NFIA: variants seen among roughly 807,000 people sequenced by gnomAD.
The protein encoded by NFIA is nuclear factor I A.
A neutral mutation model predicts 62.8 loss-of-function variants in NFIA; 8 were observed. The ratio of observed to expected loss-of-function variants is 0.13; its 90% CI spans 0.07 to 0.23. The LOEUF is 0.23. Ranked by LOEUF, NFIA falls within the 10% of genes least tolerant of loss-of-function variation. The probability of loss-of-function intolerance (pLI) is 1.00; values close to 1 mark genes in which losing one functional copy is unlikely to be tolerated. For missense variants in NFIA, 410 were observed against 642.1 expected, an observed-to-expected ratio of 0.64 and a Z score of 3.91; for synonymous variants, 235 against 238.1, an observed-to-expected ratio of 0.99 and a Z score of 0.12.
chr1:61,323,796 A>G (rs751577977), intron 3 of NFIA, among the ~76,000 whole-genome samples: 4 of 152,216 alleles, frequency 2.6e-5, no homozygotes, highest in Admixed American at 2.0e-4. Flanking sequence ...TAACAGTATC[A>G]TAAGTCACTC....
At chr1:61,188,028 G>A (rs1651324497) in intron 2 of NFIA, among the ~76,000 whole-genome samples, 1 of 151,946 alleles carries the variant, frequency 6.6e-6, no homozygotes, top group African/African-American at 2.4e-5. Context: ...AGCAGGGTTA[G>A]CTTACCCTTG....
At chr1:61,254,660 C>T (rs1410470694) in intron 2 of NFIA, among the ~76,000 whole-genome samples, 3 of 152,176 alleles carry the variant, frequency 2.0e-5, no homozygotes, top group South Asian at 4.1e-4. Context: ...AAAGAAGTCT[C>T]AGAGCACAGT....
chr1:61,105,877 C>A (rs1037752564), intron 2 of NFIA, among the ~76,000 whole-genome samples: 2 of 151,752 alleles, frequency 1.3e-5, no homozygotes, highest in African/African-American at 4.8e-5. Flanking sequence ...TGCTGAAATT[C>A]TGACTTGGGT....
intron 10 of NFIA, among the ~76,000 whole-genome samples, chr1:61,437,763 G>A (rs1246391834): frequency 1.3e-5 from 2 of 152,154 alleles, no homozygotes; most frequent in Admixed American, 1.3e-4. Flanking sequence ...GAAGGAGACA[G>A]ATATACTTGG....
chr1:61,417,021 A>C (rs79393389), intron 9 of NFIA, among the ~76,000 whole-genome samples: 3,532 of 152,238 alleles, frequency 0.023, 52 homozygotes, highest in Non-Finnish European at 0.037. Context: ...TAAGCATTAC[A>C]AAGAAGGAAT....
intron 2 of NFIA, among the ~76,000 whole-genome samples, chr1:61,266,613 G>A (rs971004980): frequency 6.6e-6 from 1 of 152,022 alleles, no homozygotes; most frequent in Non-Finnish European, 1.5e-5. Context: ...GGCCAGGCTG[G>A]TCTCAAACTC....
intron 2 of NFIA, among the ~76,000 whole-genome samples, chr1:61,259,832 TA>T: frequency 6.6e-6 from 1 of 152,328 alleles, no homozygotes; most frequent in East Asian, 1.9e-4. Flanking sequence ...CAATTTTAAT[TA>T]ATGTTTTTAA....
intron 10 of NFIA, among the ~76,000 whole-genome samples, chr1:61,441,634 A>G (rs1667588453): frequency 6.6e-6 from 1 of 152,204 alleles, no homozygotes; most frequent in Non-Finnish European, 1.5e-5. Context: ...ATTTAACCTG[A>G]TAGACTTTGT....
At chr1:61,231,422 G>A (rs1490971273) in intron 2 of NFIA, among the ~76,000 whole-genome samples, 2 of 152,140 alleles carry the variant, frequency 1.3e-5, no homozygotes, top group African/African-American at 4.8e-5. Context: ...TTTGTTAGAT[G>A]TTATGCCTAG....
At chr1:61,382,698 TA>T (rs1466080273) in intron 6 of NFIA, among the ~76,000 whole-genome samples, 3 of 152,344 alleles carry the variant, frequency 2.0e-5, no homozygotes, top group East Asian at 3.8e-4. Flanking sequence ...GTAGGGCATT[TA>T]AGATTTTTTT....
chr1:61,416,471 G>C (rs1191863984), intron 9 of NFIA, among the ~76,000 whole-genome samples: 1 of 152,122 alleles, frequency 6.6e-6, no homozygotes, highest in Non-Finnish European at 1.5e-5. Context: ...CCCTCACAGA[G>C]AGCATGGGGT....
chr1:61,268,726 C>G (rs560817610), intron 2 of NFIA, among the ~76,000 whole-genome samples: 1 of 152,226 alleles, frequency 6.6e-6, no homozygotes, highest in South Asian at 2.1e-4. Flanking sequence ...AATTGAGAGC[C>G]TTTGAAAACA....
At chr1:61,256,302 G>A (rs1474589685) in intron 2 of NFIA, among the ~76,000 whole-genome samples, 2 of 151,962 alleles carry the variant, frequency 1.3e-5, no homozygotes, top group East Asian at 3.9e-4. Flanking sequence ...TGGGTGTGGT[G>A]GTGCGTGCCT....
intron 6 of NFIA, among the ~76,000 whole-genome samples, chr1:61,363,687 C>G (rs1398143802): frequency 1.3e-5 from 2 of 151,870 alleles, no homozygotes; most frequent in Non-Finnish European, 2.9e-5. Flanking sequence ...ATCCCAAAGC[C>G]TTGTAATACA....
chr1:61,081,782 T>C, upstream of NFIA: 3 of 1,294,006 alleles, frequency 2.3e-6, no homozygotes, highest in Non-Finnish European at 3.1e-6. Flanking sequence ...GGACCGAAGC[T>C]GCACAAAGTT....
intron 2 of NFIA, among the ~76,000 whole-genome samples, chr1:61,185,695 C>T (rs1340029102): frequency 6.9e-6 from 1 of 145,238 alleles, no homozygotes; most frequent in Non-Finnish European, 1.5e-5. Flanking sequence ...TACTGGTTTC[C>T]TTTCAGTTTT....
chr1:61,249,125 C>T (rs749564652), intron 2 of NFIA: 2 of 152,078 alleles, frequency 1.3e-5, no homozygotes, highest in Non-Finnish European at 2.9e-5. Flanking sequence ...AGACATAAAA[C>T]AATACATTTT....
At chr1:61,383,587 G>A (rs560937714) in intron 7 of NFIA, among the ~76,000 whole-genome samples, 1 of 152,294 alleles carries the variant, frequency 6.6e-6, no homozygotes, top group African/African-American at 2.4e-5. Flanking sequence ...TCTGTTTTTT[G>A]TTGGCCAGTG....
chr1:61,447,882 C>T (rs866891435), intron 10 of NFIA, among the ~76,000 whole-genome samples: 5 of 152,056 alleles, frequency 3.3e-5, no homozygotes, highest in Admixed American at 6.6e-5. Context: ...TGGTGGTGCC[C>T]GGCTTTGATG....
Sources: allele counts gnomAD v4.1 joint callset (sites outside exome capture counted in the v4.1 genomes callset), GRCh38; gene constraint gnomAD v4.1.1; transcripts MANE v1.5; gene names NCBI Gene and HGNC (gene_info 2026-07-23, HGNC 2026-07-21).